Variants in ZNF705G observed in about 807,000 individuals in gnomAD.
The protein encoded by ZNF705G is zinc finger protein 705G.
Under a neutral mutation model 19.6 loss-of-function variants are expected in ZNF705G, and 23 were observed. That is an observed-to-expected ratio of 1.17 (90% CI 0.84 to 1.66). The LOEUF is 1.66. Ranked by LOEUF, ZNF705G falls within the 40% of genes most tolerant of loss-of-function variation. The pLI is 0.00. For synonymous variants in ZNF705G, 146 were observed against 117.7 expected, an observed-to-expected ratio of 1.24 and a Z score of -1.56; for missense variants, 457 against 354.4, an observed-to-expected ratio of 1.29 and a Z score of -2.32.
At position 7,356,568 on chromosome 8, in the gene ZNF705G, T is replaced by G. The variant is rs1324625129; in HGVS notation, c.*1408A>C. On this transcript the variant is annotated 3_prime_UTR_variant, in exon 7 of 7. Coordinates refer to ENST00000400156, the MANE Select transcript of ZNF705G (RefSeq NM_001164457.3). ...ATGACACACTGAGAAATCTAGCAAG[T>G]GGGGCTGAAGATCCCTGGTGTGTCA... 6.7e-6 allele frequency: 1 copy of G among 149,520 alleles called. No homozygotes were observed. 9.3% of individuals were successfully genotyped at this position (149,520 alleles called of 1,614,324 possible).
At chr8:7,374,650 G>A (rs1807193010) in intron 2 of ZNF705G, among the ~76,000 whole-genome samples, 1 of 86,354 alleles carries the variant, frequency 1.2e-5, no homozygotes, top group Non-Finnish European at 2.2e-5. Context: ...GGCTAGAGAG[G>A]AGAGGAGGAC....
chr8:7,368,068 A>G (rs1806941183), intron 2 of ZNF705G, among the ~76,000 whole-genome samples: 1 of 149,602 alleles, frequency 6.7e-6, no homozygotes, highest in Non-Finnish European at 1.5e-5. Flanking sequence ...GGGAAAATGC[A>G]TCCTCTGATT....
chr8:7,361,923 C>T (rs761225999), intron 3 of ZNF705G, among the ~76,000 whole-genome samples: 1 of 149,580 alleles, frequency 6.7e-6, no homozygotes, highest in African/African-American at 2.6e-5. Flanking sequence ...TTCAGGTATT[C>T]ATGACAAGGC....
rs550713944 is a variant in ZNF705G, at chr8:7,368,265, G to C, written c.-71-5248C>G. On this transcript the variant is annotated intron_variant, in intron 2 of 6. Transcript: ENST00000400156. ...CTCACATAAAGTTGGAAACCAAAGA[G>C]TTAAGGCTATTTTGAAGGAAAAATA... Among the ~76,000 whole-genome samples the C allele has an allele frequency of 3.7e-4, 56 of 149,526 alleles. 6 individuals are homozygous for C. Among genetic ancestry groups the C allele is most frequent in the African/African-American group, 1.4e-3 (55 of 38,986 alleles).
chr8:7,370,343 A>G (rs555362295), intron 2 of ZNF705G, among the ~76,000 whole-genome samples: 4 of 149,390 alleles, frequency 2.7e-5, no homozygotes, highest in African/African-American at 7.7e-5. Flanking sequence ...CAACAAATAT[A>G]TGAAAAAAAT....
rs1806573738 is a variant in ZNF705G, at chr8:7,361,178, A to T, written c.71T>A (p.Met24Lys). Residue 24 changes from methionine to lysine, a missense_variant, in exon 4 of 7, where the codon ATG becomes AAG. Physicochemically the swap from Met to Lys is moderately conservative, Grantham distance 95. Coordinates refer to ENST00000400156, the MANE Select transcript of ZNF705G (RefSeq NM_001164457.3). ...GTACAGCTTTCTCTTGGATGTGTCC[A>T]TCATGGCCCACTCTTCCTGGGTGAA... ...IDFTQEEWAM[M>K]DTSKRKLYRD... is the part of the protein sequence containing the mutation. The T allele has an allele frequency of 2.5e-6, 4 of 1,593,028 alleles. No homozygotes were observed. The Admixed American group carries it at 5.0e-5, about 20-fold the overall frequency.
rs752772628 is a variant in ZNF705G, at chr8:7,360,344, A to T, written c.140-12T>A. The T allele has an allele frequency of 6.3e-7, 1 of 1,588,244 alleles. No individual in the cohort carries two copies. Among genetic ancestry groups the T allele is most frequent in the Non-Finnish European group, 8.5e-7 (1 of 1,177,860 alleles). Reference sequence around the variant, plus strand: ...GCTTATCTGGTACCCTGTTAGTGGAAAGAATACATGTGTTTTGAGTTCACT... The same window carrying T: ...GCTTATCTGGTACCCTGTTAGTGGATAGAATACATGTGTTTTGAGTTCACT... On this transcript the variant is annotated splice_polypyrimidine_tract_variant and intron_variant, in intron 4 of 6. Coordinates refer to ENST00000400156, the MANE Select transcript of ZNF705G (RefSeq NM_001164457.3).
intron 6 of ZNF705G, among the ~76,000 whole-genome samples, 175 bp from the exon 7 acceptor site, chr8:7,358,735 A>G (rs1471885532): frequency 6.7e-6 from 1 of 149,468 alleles, no homozygotes; most frequent in Non-Finnish European, 1.5e-5. Flanking sequence ...ATTTAACCAA[A>G]GGGAAAAATC....
At chr8:7,369,405 G>T (rs1242824254) in intron 2 of ZNF705G, among the ~76,000 whole-genome samples, 1 of 149,378 alleles carries the variant, frequency 6.7e-6, no homozygotes, top group Non-Finnish European at 1.5e-5. Flanking sequence ...TCCACACTGG[G>T]GCACTGCCTA....
At chr8:7,369,953 G>A (rs1585420618) in intron 2 of ZNF705G, among the ~76,000 whole-genome samples, 3 of 149,130 alleles carry the variant, frequency 2.0e-5, no homozygotes, top group African/African-American at 7.8e-5. Context: ...TTTCTATCTG[G>A]GTTACAAGAT....
intron 1 of ZNF705G, among the ~76,000 whole-genome samples, 156 bp downstream of exon 1, chr8:7,385,342 C>A (rs1388337605): frequency 6.7e-6 from 1 of 148,630 alleles, no homozygotes; most frequent in African/African-American, 2.6e-5. Context: ...GATAATACTA[C>A]TGATAATAAT....
chr8:7,383,772 A>G (rs116810379), intron 1 of ZNF705G, among the ~76,000 whole-genome samples: 5,365 of 137,770 alleles, frequency 0.039, 608 homozygotes, highest in African/African-American at 0.16. Flanking sequence ...ACAGAGAAGG[A>G]AGCGAGCTCT....
chr8:7,361,183 G>A lies in ZNF705G; in HGVS notation c.66C>T (p.Ala22=). ...GCTTTCTCTTGGATGTGTCCATCAT[G>A]GCCCACTCTTCCTGGGTGAAGTCAA... ...VAIDFTQEEW[A]MMDTSKRKLY... is the part of the protein sequence containing the mutation. The change falls in exon 4 of 7, where the codon GCC becomes GCT. Residue 22 remains alanine, a synonymous_variant. Transcript: ENST00000400156. 1.3e-6 allele frequency: 2 copies of A among 1,593,028 alleles called. No homozygotes were observed. The highest frequency in any genetic ancestry group is 1.7e-5 in the Admixed American group (1 of 59,932).
Position 7,375,121 on chromosome 8 carries a change from A to G in ZNF705G, c.-72+6331T>C, listed in dbSNP as rs1310119709. Among the ~76,000 whole-genome samples the G allele has an allele frequency of 3.2e-5, 3 of 94,220 alleles. 1 individual carries two copies. The highest frequency in any genetic ancestry group is 1.5e-4 in the African/African-American group (3 of 20,268). The allele number at this position is 94,220 out of a possible 152,430, so 61.8% of individuals were successfully genotyped here. A position where few individuals can be genotyped will look rare whatever the true frequency, so the allele number is the denominator to read the frequency against. The stretch of plus-strand genomic sequence containing the variant: ...TGTGATATTGAGGTTTGGGGTATGA[A>G]TAACTCTGTCACGCAGGTAGGGTGT... On this transcript the variant is annotated intron_variant, in intron 2 of 6. Coordinates refer to ENST00000400156, the MANE Select transcript of ZNF705G (RefSeq NM_001164457.3).
chr8:7,362,000 A>G (rs1806624297), intron 3 of ZNF705G, among the ~76,000 whole-genome samples: 1 of 149,786 alleles, frequency 6.7e-6, no homozygotes, highest in Non-Finnish European at 1.5e-5. Context: ...TCTTAGTCCG[A>G]TGATTCCTGT....
intron 5 of ZNF705G, 21 bp from the exon 6 acceptor site, chr8:7,359,722 A>ATTG (rs1806484062): frequency 6.2e-7 from 1 of 1,606,042 alleles, no homozygotes; most frequent in Non-Finnish European, 8.5e-7. Flanking sequence ...TGAAAAATAA[A>ATTG]TTGTTACATT....
chr8:7,359,385 G>A (rs1252579876), intron 6 of ZNF705G, among the ~76,000 whole-genome samples: 34 of 149,770 alleles, frequency 2.3e-4, no homozygotes, highest in African/African-American at 7.4e-4. Flanking sequence ...AATATCTTTC[G>A]ATGACTGGGC....
At chr8:7,365,390 T>C (rs1806810127) in intron 2 of ZNF705G, among the ~76,000 whole-genome samples, 1 of 146,536 alleles carries the variant, frequency 6.8e-6, no homozygotes, top group South Asian at 2.2e-4. Context: ...TTTTTTTTTT[T>C]TTTTTTTGGC....
chr8:7,378,865 C>T (rs1467918595), intron 2 of ZNF705G, among the ~76,000 whole-genome samples: 1 of 147,006 alleles, frequency 6.8e-6, no homozygotes, highest in East Asian at 1.9e-4. Flanking sequence ...AACCTCAATT[C>T]CCCTTTGCTT....
Sources: allele counts gnomAD v4.1 joint callset (sites outside exome capture counted in the v4.1 genomes callset), GRCh38; gene constraint gnomAD v4.1.1; transcripts MANE v1.5; gene names NCBI Gene and HGNC (gene_info 2026-07-23, HGNC 2026-07-21).